The following RELN variants were observed in gnomAD, a reference collection of about 807,000 sequenced individuals.
RELN encodes reelin.
RELN carries 108 observed loss-of-function variants against 427.6 expected under a neutral mutation model. That is an observed-to-expected ratio of 0.25 (90% CI 0.22 to 0.30). The LOEUF (loss-of-function observed/expected upper bound fraction) is 0.30, where lower values mean the gene tolerates loss of function less well. Ranked by LOEUF, RELN falls within the 10% of genes least tolerant of loss-of-function variation. The probability of loss-of-function intolerance (pLI) is 1.00; values close to 1 mark genes in which losing one functional copy is unlikely to be tolerated. For missense variants in RELN, 3,715 were observed against 4,302.8 expected (o/e 0.86, Z 3.82); for synonymous variants, 1,524 against 1,513.4 (o/e 1.01, Z -0.16).
At position 103,603,494 on chromosome 7, in the gene RELN, T is replaced by C. The variant is rs375230548; in HGVS notation, c.3147-4A>G. 8.5e-5 allele frequency: 137 copies of C among 1,612,762 alleles called. 1 individual carries two copies. In the African/African-American group the frequency reaches 1.7e-3, roughly 21 times the overall value. ...GCCTTGGTACCCCTGGTCACACCTA[T>C]GAGAGAGCAGGGCTGAGTAGGCAGG... On this transcript the variant is annotated splice_region_variant and splice_polypyrimidine_tract_variant and intron_variant, in intron 23 of 64. Coordinates refer to ENST00000428762, the MANE Select transcript of RELN (RefSeq NM_005045.4). The surrounding 1 kb of genome is among the most constrained non-coding windows in gnomAD (Gnocchi z 4.3).
intron 2 of RELN, among the ~76,000 whole-genome samples, chr7:103,903,839 T>C (rs767528371): frequency 2.2e-4 from 30 of 137,374 alleles, no homozygotes; most frequent in Non-Finnish European, 4.0e-4. Flanking sequence ...TACATATCTT[T>C]TTTTGTTTTT....
chr7:103,785,705 T>C (rs1161249705), intron 3 of RELN, among the ~76,000 whole-genome samples: 1 of 152,124 alleles, frequency 6.6e-6, no homozygotes, highest in Non-Finnish European at 1.5e-5. Context: ...GTTAATTTTC[T>C]GAGATAGGAC....
At chr7:103,782,252 T>G (rs117142609) in intron 3 of RELN, among the ~76,000 whole-genome samples, 2 of 152,286 alleles carry the variant, frequency 1.3e-5, no homozygotes, top group Non-Finnish European at 2.9e-5. Context: ...TCAACCTAAC[T>G]AAACAACAGA....
chr7:103,605,230 C>T (rs377052114), intron 22 of RELN, among the ~76,000 whole-genome samples: 13 of 152,236 alleles, frequency 8.5e-5, no homozygotes, highest in East Asian at 5.8e-4. Context: ...TCAGCTAGTT[C>T]GTAATATAAG....
intron 6 of RELN, among the ~76,000 whole-genome samples, chr7:103,737,158 G>C (rs561724377): frequency 1.3e-5 from 2 of 152,248 alleles, no homozygotes; most frequent in South Asian, 4.2e-4. Flanking sequence ...GAGAGGTTCT[G>C]GCAAGGGTAT....
intron 3 of RELN, among the ~76,000 whole-genome samples, chr7:103,823,339 C>T (rs1793055694): frequency 1.3e-5 from 2 of 151,966 alleles, no homozygotes; most frequent in South Asian, 2.1e-4. Flanking sequence ...TTGTAATTGA[C>T]AATTTACTTA....
At chr7:103,537,551 T>G (rs1830080931) in intron 45 of RELN, among the ~76,000 whole-genome samples, 1 of 152,252 alleles carries the variant, frequency 6.6e-6, no homozygotes, top group Admixed American at 6.5e-5. Flanking sequence ...TGCACCAGCC[T>G]GTATAGAAAG....
At chr7:103,714,544 G>A (rs1789889183) in intron 8 of RELN, among the ~76,000 whole-genome samples, 1 of 152,230 alleles carries the variant, frequency 6.6e-6, no homozygotes, top group African/African-American at 2.4e-5. Context: ...CCTGACGTCT[G>A]ACAGTGTGTG....
Position 103,636,336 on chromosome 7 carries a change from G to A in RELN, c.2202C>T (p.Val734=). The A allele has an allele frequency of 6.2e-7, 1 of 1,614,030 alleles. No homozygotes were observed. The change falls in exon 18 of 65, where the codon GTC becomes GTT. Residue 734 remains valine (V), a synonymous_variant. Transcript: ENST00000428762. ...TGGCCAAGACACCACAACCAAAGCT[G>A]ACTTCAGCACCACGGATAGAGTAAA... ...HNFYSIRGAE[V]SFGCGVLASG...
At chr7:103,527,301 G>A (rs2711864) in intron 46 of RELN, among the ~76,000 whole-genome samples, 38,651 of 151,972 alleles carry the variant, frequency 0.25, 7,419 homozygotes, top group African/African-American at 0.54. Flanking sequence ...CTTTTACTTC[G>A]AAAGAGATAC....
At chr7:103,987,872 A>T (rs930431653) in intron 1 of RELN, among the ~76,000 whole-genome samples, 2 of 152,256 alleles carry the variant, frequency 1.3e-5, no homozygotes, top group Non-Finnish European at 2.9e-5. Context: ...CCATGCCACA[A>T]GGAAGTTGTA....
intron 2 of RELN, among the ~76,000 whole-genome samples, chr7:103,902,303 G>A (rs1214748832): frequency 6.6e-6 from 1 of 151,664 alleles, no homozygotes; most frequent in Non-Finnish European, 1.5e-5. Flanking sequence ...ATAAAAGTCA[G>A]GTTAAAAAAG....
At chr7:103,646,255 AAAT>A (rs2117376069) in intron 16 of RELN, among the ~76,000 whole-genome samples, 1 of 151,972 alleles carries the variant, frequency 6.6e-6, no homozygotes, top group Admixed American at 6.6e-5. Flanking sequence ...TATCAGAAGA[AAAT>A]AAATAATGAA....
At chr7:103,874,417 G>T (rs1794427042) in intron 2 of RELN, among the ~76,000 whole-genome samples, 1 of 142,862 alleles carries the variant, frequency 7.0e-6, no homozygotes, top group African/African-American at 2.5e-5. Context: ...AAGTCAAATT[G>T]TCCCTGTTTG....
At chr7:103,813,447 G>A (rs1296233106) in intron 3 of RELN, among the ~76,000 whole-genome samples, 2 of 152,120 alleles carry the variant, frequency 1.3e-5, no homozygotes, top group Non-Finnish European at 2.9e-5. Flanking sequence ...ATCTTCAGAT[G>A]GAGAAGCTGA....
chr7:103,776,488 G>T, intron 4 of RELN, 69 bp downstream of exon 4: 2 of 1,474,680 alleles, frequency 1.4e-6, no homozygotes, highest in South Asian at 1.1e-5. Flanking sequence ...TGCTTACTTG[G>T]TACATAGAAC....
intron 41 of RELN, among the ~76,000 whole-genome samples, chr7:103,548,412 T>G (rs1416689109): frequency 6.6e-6 from 1 of 152,234 alleles, no homozygotes; most frequent in Non-Finnish European, 1.5e-5. Flanking sequence ...GATGGTTCAC[T>G]GAGTTGGAGA....
chr7:103,899,692 G>A (rs528617471), intron 2 of RELN, among the ~76,000 whole-genome samples: 12 of 152,154 alleles, frequency 7.9e-5, no homozygotes, highest in African/African-American at 1.4e-4. Context: ...CAGAACCAAC[G>A]ACAAAAACCA....
intron 51 of RELN, among the ~76,000 whole-genome samples, chr7:103,505,043 T>C (rs1237643192): frequency 6.6e-6 from 1 of 152,032 alleles, no homozygotes. Flanking sequence ...GCAGGGCATC[T>C]CTGAAAAAAA....
Sources: gnomAD v4.1 joint callset for allele counts (sites outside exome capture counted in the v4.1 genomes callset) on GRCh38, gnomAD v4.1.1 for gene constraint, Gnocchi (gnomAD v3.1) non-coding constraint, MANE v1.5 for transcripts, NCBI Gene and HGNC (gene_info 2026-07-23, HGNC 2026-07-21) for gene names.